UTP14A: variants seen among roughly 807,000 people sequenced by gnomAD.
UTP14A encodes UTP14A small subunit processome component, also known as U3 small nucleolar RNA-associated protein 14 homolog A.
Under a neutral mutation model 57.2 loss-of-function variants are expected in UTP14A, and 5 were observed. The ratio of observed to expected loss-of-function variants is 0.09; its 90% confidence interval spans 0.05 to 0.18. The LOEUF is 0.18. Ranked by LOEUF, UTP14A falls within the 10% of genes least tolerant of loss-of-function variation. The pLI, the probability that UTP14A is intolerant of heterozygous loss-of-function variation, is 1.00. For missense variants in UTP14A, 430 were observed against 562.1 expected (o/e 0.76, Z 2.38); for synonymous variants, 169 against 210.9 (o/e 0.80, Z 1.72).
At chrX:129,919,634 C>T in intron 8 of UTP14A, 145 bp downstream of exon 8, 1 of 655,033 alleles carries the variant, frequency 1.5e-6, no homozygotes, top group East Asian at 3.6e-5. Flanking sequence ...CTTTTGTTCC[C>T]CCCAAACCAA....
At chrX:129,912,035 C>G in intron 6 of UTP14A, 114 bp downstream of exon 6, 2 of 954,070 alleles carry the variant, frequency 2.1e-6, no homozygotes, top group Non-Finnish European at 2.8e-6. Context: ...GTCATTTTAG[C>G]TTAGTGCTCA....
At chrX:129,918,487 A>C (rs1287491604) in intron 6 of UTP14A, among the ~76,000 whole-genome samples, 1 of 111,450 alleles carries the variant, frequency 9.0e-6, no homozygotes, top group Non-Finnish European at 1.9e-5. Context: ...TCCTAACTAT[A>C]AAGTAATAGT....
chrX:129,907,709 C>G (rs1929302003), intron 2 of UTP14A, among the ~76,000 whole-genome samples: 1 of 112,181 alleles, frequency 8.9e-6, no homozygotes, highest in Non-Finnish European at 1.9e-5. Flanking sequence ...GTAATCCCAG[C>G]ACTTTGGGAG....
At position 129,924,975 on chromosome X, in the gene UTP14A, C is replaced by T. The variant is rs147945006; in HGVS notation, c.1529C>T (p.Thr510Met). Residue 510 changes from threonine (T) to methionine (M), a missense_variant, in exon 12 of 15, where the codon ACG becomes ATG. By Grantham distance (81) the Thr-to-Met change is moderately conservative (BLOSUM62 -1). Coordinates refer to ENST00000394422, the MANE Select transcript of UTP14A (RefSeq NM_006649.4). ...LLLQRPERVQ[T>M]LEELEELGKE... ...CTACAGAGACCAGAGAGAGTACAGA[C>T]GCTGGAAGAGCTAGAAGAGCTGGGA... 264 of 1,209,172 alleles carry T rather than the reference C, an allele frequency of 2.2e-4. No homozygotes were observed. The highest frequency in any genetic ancestry group is 2.3e-4 in the Non-Finnish European group (202 of 895,150).
At chrX:129,909,499 G>A (rs1929385707) in intron 4 of UTP14A, among the ~76,000 whole-genome samples, 1 of 111,327 alleles carries the variant, frequency 9.0e-6, no homozygotes, top group Non-Finnish European at 1.9e-5. Flanking sequence ...GTGAGCCACC[G>A]TGCGCGGCCT....
intron 1 of UTP14A, among the ~76,000 whole-genome samples, chrX:129,907,156 C>G (rs1015487614): frequency 6.3e-5 from 7 of 110,841 alleles, no homozygotes; most frequent in African/African-American, 2.3e-4. Context: ...TTTCCAAAGG[C>G]ATTCACGCTG....
chrX:129,929,603 GAT>G lies in UTP14A; in HGVS notation c.2312_2313del (p.Asp771ValfsTer12). 5 of 1,207,841 alleles carry G rather than the reference GAT, an allele frequency of 4.1e-6. No homozygotes were observed. In the Middle Eastern group the frequency reaches 6.9e-4, roughly 167 times the overall value. ...AAAACAGCTGAAGAAATGCTCTGTAGATTGAGTTGCTGGAGGAGTGACAGCCA... is the reference window on the plus strand; with the variant it reads ...AAAACAGCTGAAGAAATGCTCTGTAGTGAGTTGCTGGAGGAGTGACAGCCA... ...HKKQLKKCSVD is the reference protein window; with the variant it reads ...HKKQLKKCSVX On this transcript the variant is annotated frameshift_variant, in exon 15 of 15. Transcript: ENST00000394422. LOFTEE classifies it high-confidence loss of function.
chrX:129,906,305 A>G (rs1929257194), intron 1 of UTP14A, 69 bp downstream of exon 1: 9 of 1,062,093 alleles, frequency 8.5e-6, no homozygotes, highest in South Asian at 3.8e-5. Flanking sequence ...CTTTTGGGAA[A>G]TGGGAGCCCC....
intron 12 of UTP14A, among the ~76,000 whole-genome samples, chrX:129,925,402 A>T (rs5975160): frequency 0.074 from 8,200 of 110,370 alleles, 754 homozygotes; most frequent in African/African-American, 0.26. Flanking sequence ...ATCCACAAAA[A>T]CTCCTCTGGG....
chrX:129,929,609 G>A lies in UTP14A; in HGVS notation c.*1G>A, dbSNP rs1930243302. ...GCTGAAGAAATGCTCTGTAGATTGA[G>A]TTGCTGGAGGAGTGACAGCCAGGAG... On this transcript the variant is annotated 3_prime_UTR_variant, in exon 15 of 15. Coordinates refer to ENST00000394422, the MANE Select transcript of UTP14A (RefSeq NM_006649.4). The A allele has an allele frequency of 2.5e-6, 3 of 1,206,928 alleles. No homozygotes were observed. Among genetic ancestry groups the A allele is most frequent in the East Asian group, 3.0e-5 (1 of 33,771 alleles).
chrX:129,907,304 A>G, intron 1 of UTP14A, 63 bp from the exon 2 acceptor site: 1 of 881,553 alleles, frequency 1.1e-6, no homozygotes, highest in Non-Finnish European at 1.6e-6. Context: ...ATTAAGGGAT[A>G]CATATGCAGG....
intron 6 of UTP14A, among the ~76,000 whole-genome samples, chrX:129,917,581 T>A (rs752860112): frequency 8.9e-6 from 1 of 112,138 alleles, no homozygotes; most frequent in East Asian, 2.8e-4. Flanking sequence ...ATACTCTGCC[T>A]AGCATGTAAA....
chrX:129,924,842 A>C lies in UTP14A; in HGVS notation c.1396A>C (p.Lys466Gln). Residue 466 changes from lysine to glutamine, a missense_variant, in exon 12 of 15, where the codon AAA (lysine) becomes CAA (glutamine). Transcript: ENST00000394422. ...GTCTGAATTGAGAGTACTATCTCAG[A>C]AATTGAAGGAAAACCATCAGTCCAG... ...VLSELRVLSQKLKENHQSRKQ... is the reference protein window; with the variant it reads ...VLSELRVLSQQLKENHQSRKQ... 1 of 1,208,757 alleles carries C rather than the reference A, an allele frequency of 8.3e-7. No individual in the cohort carries two copies. Among genetic ancestry groups the C allele is most frequent in the Non-Finnish European group, 1.1e-6 (1 of 894,900 alleles).
At chrX:129,916,611 C>G (rs1446006962) in intron 6 of UTP14A, among the ~76,000 whole-genome samples, 1 of 111,544 alleles carries the variant, frequency 9.0e-6, no homozygotes, top group African/African-American at 3.3e-5. Flanking sequence ...CTGCCCTAAT[C>G]GAGGCCCTCA....
intron 12 of UTP14A, 130 bp from the exon 13 acceptor site, chrX:129,925,789 A>T: frequency 2.4e-6 from 2 of 818,003 alleles, no homozygotes; most frequent in Non-Finnish European, 3.5e-6. Context: ...ACTGGTTTGT[A>T]TCGCAAGACC....
At chrX:129,921,660 T>C in intron 11 of UTP14A, 73 bp downstream of exon 11, 1 of 1,084,679 alleles carries the variant, frequency 9.2e-7, no homozygotes, top group Non-Finnish European at 1.2e-6. Flanking sequence ...AAAAAATGTG[T>C]CCACCCACAC....
intron 1 of UTP14A, 73 bp downstream of exon 1, chrX:129,906,309 G>A: frequency 9.5e-7 from 1 of 1,049,047 alleles, no homozygotes; most frequent in Admixed American, 2.3e-5. Context: ...TGGGAAATGG[G>A]AGCCCCCCCT....
intron 6 of UTP14A, among the ~76,000 whole-genome samples, chrX:129,914,526 G>A (rs1315676893): frequency 1.8e-5 from 2 of 108,396 alleles, no homozygotes; most frequent in African/African-American, 6.7e-5. Flanking sequence ...ACAGTGAGCC[G>A]AGATCACGCC....
intron 6 of UTP14A, among the ~76,000 whole-genome samples, chrX:129,913,013 G>C (rs1929540317): frequency 9.0e-6 from 1 of 111,685 alleles, no homozygotes; most frequent in African/African-American, 3.2e-5. Context: ...CTGAAGTCCG[G>C]TTTTTAGTCC....
Sources: allele counts gnomAD v4.1 joint callset (sites outside exome capture counted in the v4.1 genomes callset), GRCh38; gene constraint gnomAD v4.1.1; transcripts MANE v1.5; gene names NCBI Gene and HGNC (gene_info 2026-07-23, HGNC 2026-07-21).